The following ELAVL4 variants were observed in gnomAD, a reference collection of about 807,000 sequenced individuals.
The protein encoded by ELAVL4 is ELAV like RNA binding protein 4.
Under a neutral mutation model 35.6 loss-of-function variants are expected in ELAVL4, and 1 was observed. That is an observed-to-expected ratio of 0.03 (90% confidence interval 0.01 to 0.13). The LOEUF (loss-of-function observed/expected upper bound fraction) is 0.13, where lower values mean the gene tolerates loss of function less well. ELAVL4 is among the 10% of genes least tolerant of loss of function. The pLI is 1.00. For missense variants in ELAVL4, 267 were observed against 464.9 expected (o/e 0.57, Z 3.91); for synonymous variants, 156 against 171.0 (o/e 0.91, Z 0.69).
At chr1:50,152,823 G>T (rs1675029843) in intron 2 of ELAVL4, among the ~76,000 whole-genome samples, 1 of 152,198 alleles carries the variant, frequency 6.6e-6, no homozygotes, top group Non-Finnish European at 1.5e-5. Context: ...CTAGTTTGGA[G>T]AGAAGATAAA....
chr1:50,185,095 C>G (rs1417205280), intron 3 of ELAVL4, among the ~76,000 whole-genome samples: 3 of 152,184 alleles, frequency 2.0e-5, no homozygotes, highest in Admixed American at 1.3e-4. Context: ...CCAGAAAATT[C>G]TGTGGGACAG....
intron 2 of ELAVL4, among the ~76,000 whole-genome samples, chr1:50,152,680 C>G (rs1675004365): frequency 6.6e-6 from 1 of 152,154 alleles, no homozygotes; most frequent in Non-Finnish European, 1.5e-5. Flanking sequence ...GCCCCCATTC[C>G]ACATCTCCCT....
intron 1 of ELAVL4, among the ~76,000 whole-genome samples, chr1:50,061,117 A>G (rs1663940614): frequency 1.3e-5 from 2 of 152,244 alleles, no homozygotes; most frequent in East Asian, 3.8e-4. Flanking sequence ...TTTGAAAAGT[A>G]AGGTCCTTAT....
chr1:50,145,025 C>T lies in ELAVL4; in HGVS notation c.78C>T (p.Ser26=). 6.2e-7 allele frequency: 1 copy of T among 1,613,930 alleles called. No individual in the cohort carries two copies. Among genetic ancestry groups the T allele is most frequent in the Non-Finnish European group, 8.5e-7 (1 of 1,179,944 alleles). The part of the protein sequence containing the change: ...PTSNTSNGPS[S]NNRNCPSPMQ... ...CCAATACAAGCAATGGACCCTCCAG[C>T]AACAACAGAAACTGTCCTTCTCCCA... The change falls in exon 2 of 7, where the codon AGC becomes AGT. Residue 26 remains serine, a synonymous_variant. Transcript: ENST00000371824.
intron 1 of ELAVL4, among the ~76,000 whole-genome samples, chr1:50,130,051 C>G (rs1363614613): frequency 6.6e-6 from 1 of 152,236 alleles, no homozygotes; most frequent in South Asian, 2.1e-4. Flanking sequence ...ATTTCCAACC[C>G]AAGTCGGATC....
chr1:50,115,253 GA>G (rs1170565401), intron 1 of ELAVL4: 1 of 152,092 alleles, frequency 6.6e-6, no homozygotes, highest in African/African-American at 2.4e-5. Flanking sequence ...CAAGGATCAA[GA>G]AATGCTGAGA....
In ELAVL4 at chr1:50,125,309, T is replaced by A. The variant is rs574261377; in HGVS notation, c.9+16111T>A. ...TTTATAATTTCACATAGTGAAATGA[T>A]GTTTAAAAAATAAAAGATGCTAGAT... On this transcript the variant is annotated intron_variant, in intron 1 of 6. Coordinates refer to ENST00000371824, the MANE Select transcript of ELAVL4 (RefSeq NM_001144774.3). 2.0e-5 allele frequency among the ~76,000 whole-genome samples: 3 copies of A among 152,166 alleles called. No individual in the cohort carries two copies. In the South Asian group the frequency reaches 6.2e-4, roughly 32 times the overall value.
chr1:50,164,199 T>A (rs1012870274), intron 2 of ELAVL4, among the ~76,000 whole-genome samples: 3 of 152,226 alleles, frequency 2.0e-5, no homozygotes, highest in Non-Finnish European at 4.4e-5. Flanking sequence ...AAACCCACTA[T>A]GAGCATTGAG....
At chr1:50,168,403 C>T (rs1184265288) in intron 2 of ELAVL4, among the ~76,000 whole-genome samples, 1 of 152,110 alleles carries the variant, frequency 6.6e-6, no homozygotes, top group Non-Finnish European at 1.5e-5. Flanking sequence ...TCTTTAGTTG[C>T]GGGTCAGCCA....
At chr1:50,150,938 C>T (rs1674677563) in intron 2 of ELAVL4, among the ~76,000 whole-genome samples, 1 of 152,172 alleles carries the variant, frequency 6.6e-6, no homozygotes, top group African/African-American at 2.4e-5. Context: ...AATATAGTAG[C>T]TTATTTAAAT....
At chr1:50,183,126 G>A (rs1001555453) in intron 3 of ELAVL4, among the ~76,000 whole-genome samples, 1 of 152,110 alleles carries the variant, frequency 6.6e-6, no homozygotes, top group African/African-American at 2.4e-5. Context: ...CCAAAGTGCT[G>A]GGATTACGGG....
chr1:50,171,244 A>C lies in ELAVL4; in HGVS notation c.251-5845A>C, dbSNP rs568834760. On this transcript the variant is annotated intron_variant, in intron 2 of 6. Transcript: ENST00000371824. ...ATCCCCAGTCAGTGTGTTAAGAAGG[A>C]GAAGAGACCCCCAGTGCAAGTGAAT... Among the ~76,000 whole-genome samples the C allele has an allele frequency of 3.3e-5, 5 of 152,252 alleles. No individual in the cohort carries two copies. In the East Asian group the frequency reaches 7.7e-4, roughly 24 times the overall value.
intron 1 of ELAVL4, among the ~76,000 whole-genome samples, chr1:50,132,281 G>C (rs1036141986): frequency 1.3e-5 from 2 of 152,206 alleles, no homozygotes; most frequent in African/African-American, 2.4e-5. Context: ...ACAGAGATCA[G>C]GGAAATTTTG....
At chr1:50,126,589 A>C (rs372827047) in intron 1 of ELAVL4, among the ~76,000 whole-genome samples, 2 of 152,258 alleles carry the variant, frequency 1.3e-5, no homozygotes, top group South Asian at 4.2e-4. Context: ...ATAAACCTTT[A>C]TGTATTGTAT....
chr1:50,096,856 G>C (rs187821115), intron 1 of ELAVL4, among the ~76,000 whole-genome samples: 23 of 152,168 alleles, frequency 1.5e-4, no homozygotes, highest in Admixed American at 7.2e-4. Context: ...CAAGGTCCTG[G>C]TCCCTGACTT....
At chr1:50,079,019 C>T (rs72686801) in intron 1 of ELAVL4, among the ~76,000 whole-genome samples, 64 of 152,334 alleles carry the variant, frequency 4.2e-4, no homozygotes, top group Middle Eastern at 6.8e-3. Context: ...TTATCCATCT[C>T]TCATCAAGTG....
intron 1 of ELAVL4, among the ~76,000 whole-genome samples, chr1:50,096,107 A>G (rs1240563065): frequency 2.0e-5 from 3 of 152,090 alleles, no homozygotes; most frequent in South Asian, 2.1e-4. Context: ...AGCCTGCCAT[A>G]TGAATATATT....
At position 50,202,072 on chromosome 1, in the gene ELAVL4, CTG is replaced by C. The variant is rs939397135; in HGVS notation, c.*896_*897del. On this transcript the variant is annotated 3_prime_UTR_variant, in exon 7 of 7. Coordinates refer to ENST00000371824, the MANE Select transcript of ELAVL4 (RefSeq NM_001144774.3). Reference sequence around the variant, plus strand: ...GTGTGTTTTAAACTGGATTCGTAGACTGTTTTTTGAAGGATGGGCTATAAACA... The same window carrying C: ...GTGTGTTTTAAACTGGATTCGTAGACTTTTTTGAAGGATGGGCTATAAACA... 2.0e-5 allele frequency: 3 copies of C among 152,112 alleles called. No individual in the cohort carries two copies. Among genetic ancestry groups the C allele is most frequent in the Non-Finnish European group, 4.4e-5 (3 of 68,012 alleles). The allele number at this position is 152,112 out of a possible 1,614,324, so 9.4% of individuals were successfully genotyped here. A position where few individuals can be genotyped will look rare whatever the true frequency, so the allele number is the denominator to read the frequency against.
At chr1:50,144,880 A>T in intron 1 of ELAVL4, 77 bp from the exon 2 acceptor site, 2 of 1,571,654 alleles carry the variant, frequency 1.3e-6, no homozygotes, top group Non-Finnish European at 1.7e-6. Flanking sequence ...CTTTTCAAAA[A>T]AATTAATAAA....
Sources: gnomAD v4.1 joint callset for allele counts (sites outside exome capture counted in the v4.1 genomes callset) on GRCh38, gnomAD v4.1.1 for gene constraint, MANE v1.5 for transcripts, NCBI Gene and HGNC (gene_info 2026-07-23, HGNC 2026-07-21) for gene names.